SH3PXD2A: variants seen among roughly 807,000 people sequenced by gnomAD.
SH3PXD2A encodes SH3 and PX domain-containing protein 2A.
A neutral mutation model predicts 115.2 loss-of-function variants in SH3PXD2A; 32 were observed. The observed-to-expected ratio is 0.28, with a 90% CI of 0.21 to 0.37. The LOEUF (loss-of-function observed/expected upper bound fraction) is 0.37. Among genes scored for constraint, SH3PXD2A ranks in the 10% least tolerant of loss-of-function variants. The probability of loss-of-function intolerance (pLI) is 1.00; values close to 1 mark genes in which losing one functional copy is unlikely to be tolerated. For missense variants in SH3PXD2A, 1,328 were observed against 1,498.7 expected (o/e 0.89, Z 1.88); for synonymous variants, 610 against 629.1 (o/e 0.97, Z 0.45).
intron 8 of SH3PXD2A, among the ~76,000 whole-genome samples, chr10:103,654,118 G>A (rs1341009326): frequency 6.6e-6 from 1 of 152,068 alleles, no homozygotes; most frequent in Non-Finnish European, 1.5e-5. Flanking sequence ...TCTGCACCAT[G>A]CAACAGGGCT....
chr10:103,793,920 C>T (rs1041502256), intron 2 of SH3PXD2A, among the ~76,000 whole-genome samples: 3 of 152,124 alleles, frequency 2.0e-5, no homozygotes, highest in Non-Finnish European at 4.4e-5. Flanking sequence ...GATATTAAAC[C>T]AAATGAAAGC....
chr10:103,770,705 G>T (rs1316121956), intron 2 of SH3PXD2A, among the ~76,000 whole-genome samples: 1 of 152,148 alleles, frequency 6.6e-6, no homozygotes, highest in African/African-American at 2.4e-5. Flanking sequence ...AGTGGTCCAT[G>T]GGGGTGGGGG....
chr10:103,607,430 G>A (rs11819031), intron 13 of SH3PXD2A, among the ~76,000 whole-genome samples: 2,231 of 150,218 alleles, frequency 0.015, 69 homozygotes, highest in African/African-American at 0.051. Context: ...CAGGCCAGCC[G>A]CCCTGTCCGG....
rs143378726 is a variant in SH3PXD2A at position 103,697,036 on chromosome 10, C to G, written c.399-3980G>C. On this transcript the variant is annotated intron_variant, in intron 5 of 14. Coordinates refer to ENST00000369774, the MANE Select transcript of SH3PXD2A (RefSeq NM_001394015.1). ...CACCCCGCCCCATCCCCGGGTGATA[C>G]GGTTCCTCTCTTGGCCCCTCCCCAT... 1.9e-3 allele frequency among the ~76,000 whole-genome samples: 284 copies of G among 152,182 alleles called. 3 individuals carry two copies. Among genetic ancestry groups the G allele is most frequent in the African/African-American group, 6.5e-3 (270 of 41,532 alleles).
intron 5 of SH3PXD2A, among the ~76,000 whole-genome samples, chr10:103,696,387 T>A (rs1339212400): frequency 1.3e-5 from 2 of 152,018 alleles, no homozygotes; most frequent in African/African-American, 4.8e-5. Context: ...AAGGCAGGGA[T>A]CCCCCTTCAC....
At chr10:103,741,430 C>T (rs2038442718) in intron 3 of SH3PXD2A, among the ~76,000 whole-genome samples, 1 of 152,180 alleles carries the variant, frequency 6.6e-6, no homozygotes, top group African/African-American at 2.4e-5. Context: ...CTCTGGCAGT[C>T]ACCCCACTCT....
intron 2 of SH3PXD2A, among the ~76,000 whole-genome samples, chr10:103,767,819 T>TTTTG (rs1564884191): frequency 1.6e-4 from 23 of 146,810 alleles, no homozygotes; most frequent in African/African-American, 2.3e-4. Context: ...TGTTTTTTTT[T>TTTTG]TTTTTTTTTT....
chr10:103,632,791 T>C (rs1229888287), intron 8 of SH3PXD2A, among the ~76,000 whole-genome samples: 4 of 152,016 alleles, frequency 2.6e-5, no homozygotes, highest in Non-Finnish European at 2.9e-5. Context: ...CCAGCCAACA[T>C]GGTGAAACCC....
chr10:103,627,563 C>T lies in SH3PXD2A; in HGVS notation c.605-361G>A, dbSNP rs541576544. ...GAGACCATTTATGGTCTTTGAAACC[C>T]ATTAGGATGACTGGTTTGCCTGGAG... is the stretch of plus-strand genomic sequence containing the variant. On this transcript the variant is annotated intron_variant, in intron 8 of 14. Transcript: ENST00000369774. The surrounding 1 kb of genome is among the most constrained non-coding windows in gnomAD (Gnocchi z 4.4). Among the ~76,000 whole-genome samples the T allele has an allele frequency of 1.3e-5, 2 of 152,322 alleles. No individual in the cohort carries two copies. The highest frequency in any genetic ancestry group is 4.1e-4 in the South Asian group (2 of 4,820).
chr10:103,729,567 G>A (rs1164589144), intron 4 of SH3PXD2A, among the ~76,000 whole-genome samples: 1 of 152,248 alleles, frequency 6.6e-6, no homozygotes, highest in African/African-American at 2.4e-5. Context: ...TCTGGGGCAA[G>A]TGGGAGGAAG....
intron 3 of SH3PXD2A, among the ~76,000 whole-genome samples, chr10:103,744,193 G>A (rs1217316265): frequency 6.8e-6 from 1 of 147,224 alleles, no homozygotes; most frequent in Non-Finnish European, 1.5e-5. Flanking sequence ...CGCTCTTGTT[G>A]CCCAGGCTGG....
intron 8 of SH3PXD2A, 133 bp downstream of exon 8, chr10:103,660,850 G>GT: frequency 9.9e-7 from 1 of 1,009,620 alleles, no homozygotes; most frequent in South Asian, 1.4e-5. Flanking sequence ...AACTTCAGCC[G>GT]CCTCGGCCCT....
intron 1 of SH3PXD2A, among the ~76,000 whole-genome samples, chr10:103,811,946 T>G (rs1386999257): frequency 2.0e-5 from 3 of 152,190 alleles, no homozygotes; most frequent in Non-Finnish European, 4.4e-5. Flanking sequence ...CTGTAGGCGC[T>G]TAATAAATGT....
rs1592296085 is a variant in SH3PXD2A, at chr10:103,677,017, C to T, written c.428-8365G>A. Reference sequence around the variant, plus strand: ...TGGGCAGTGGGATGAAGTCAGCAGTCGCTGGTCTCCAGCCCCGAGTCTTGC... The same window carrying T: ...TGGGCAGTGGGATGAAGTCAGCAGTTGCTGGTCTCCAGCCCCGAGTCTTGC... On this transcript the variant is annotated intron_variant, in intron 6 of 14. Transcript: ENST00000369774. Among the ~76,000 whole-genome samples, 4 of 152,292 alleles carry T rather than the reference C, an allele frequency of 2.6e-5. No homozygotes were observed. In the South Asian group the frequency reaches 6.2e-4, roughly 24 times the overall value.
At chr10:103,827,733 A>G (rs1246732414) in intron 1 of SH3PXD2A, among the ~76,000 whole-genome samples, 2 of 152,164 alleles carry the variant, frequency 1.3e-5, no homozygotes, top group Admixed American at 1.3e-4. Flanking sequence ...CTCTACAACT[A>G]GACTATGAGC....
At chr10:103,813,347 C>T (rs750987709) in intron 1 of SH3PXD2A, among the ~76,000 whole-genome samples, 10 of 152,322 alleles carry the variant, frequency 6.6e-5, no homozygotes, top group Non-Finnish European at 8.8e-5. Flanking sequence ...GACAGAGTCT[C>T]GCTCTCTTGC....
chr10:103,814,227 G>A (rs934367644), intron 1 of SH3PXD2A, among the ~76,000 whole-genome samples: 2 of 152,160 alleles, frequency 1.3e-5, no homozygotes, highest in Admixed American at 6.5e-5. Flanking sequence ...AGCTGTGGCT[G>A]TGCTGGGGCT....
At chr10:103,829,921 C>T (rs2039468445) in intron 1 of SH3PXD2A, among the ~76,000 whole-genome samples, 1 of 152,254 alleles carries the variant, frequency 6.6e-6, no homozygotes, top group Non-Finnish European at 1.5e-5. Context: ...AGCAAAGCTA[C>T]AGGTCCCAAT....
intron 2 of SH3PXD2A, among the ~76,000 whole-genome samples, chr10:103,786,449 A>T (rs146957574): frequency 0.01 from 1,587 of 152,192 alleles, 30 homozygotes; most frequent in African/African-American, 0.036. Flanking sequence ...AGGACCACTT[A>T]AGGCCAAGAG....
Sources: allele counts gnomAD v4.1 joint callset (sites outside exome capture counted in the v4.1 genomes callset), GRCh38; gene constraint gnomAD v4.1.1; non-coding constraint Gnocchi (gnomAD v3.1); transcripts MANE v1.5; gene names NCBI Gene and HGNC (gene_info 2026-07-23, HGNC 2026-07-21).